TTC28: variants seen among roughly 807,000 people sequenced by gnomAD.
TTC28 encodes the protein tetratricopeptide repeat protein 28.
TTC28 carries 61 observed loss-of-function variants against 198.0 expected under a neutral mutation model. The ratio of observed to expected loss-of-function variants is 0.31; its 90% CI spans 0.25 to 0.38. The LOEUF (loss-of-function observed/expected upper bound fraction) is 0.38. Ranked by LOEUF, TTC28 falls within the 10% of genes least tolerant of loss-of-function variation. The pLI, the probability that TTC28 is intolerant of heterozygous loss-of-function variation, is 1.00. For missense variants in TTC28, 2,678 were observed against 3,164.0 expected, an observed-to-expected ratio of 0.85 and a Z score of 3.69; for synonymous variants, 1,171 against 1,297.8, an observed-to-expected ratio of 0.90 and a Z score of 2.10.
At chr22:28,587,159 C>T (rs937714382) in intron 2 of TTC28, among the ~76,000 whole-genome samples, 3 of 152,104 alleles carry the variant, frequency 2.0e-5, no homozygotes, top group African/African-American at 7.2e-5. Flanking sequence ...GAGTTCGAGA[C>T]CATCCTAGGC....
chr22:28,280,267 T>C (rs915849391), intron 5 of TTC28, among the ~76,000 whole-genome samples: 1 of 152,134 alleles, frequency 6.6e-6, no homozygotes, highest in African/African-American at 2.4e-5. Context: ...TTCAACGCTA[T>C]ACTTTTTGCT....
chr22:28,614,192 C>T (rs1164384364), intron 2 of TTC28, among the ~76,000 whole-genome samples: 2 of 152,110 alleles, frequency 1.3e-5, no homozygotes, highest in African/African-American at 2.4e-5. Flanking sequence ...CTCCCACTCA[C>T]GACTGCTGCA....
At chr22:28,110,186 CA>C (rs1167836560) in intron 6 of TTC28, among the ~76,000 whole-genome samples, 1 of 152,144 alleles carries the variant, frequency 6.6e-6, no homozygotes, top group East Asian at 1.9e-4. Context: ...CTGTGGGGAC[CA>C]CTCTGCTGGT....
At chr22:28,229,086 G>A (rs1928600104) in intron 5 of TTC28, among the ~76,000 whole-genome samples, 1 of 152,118 alleles carries the variant, frequency 6.6e-6, no homozygotes, top group Non-Finnish European at 1.5e-5. Context: ...AACCTGGGAG[G>A]TGGAGGTTGC....
At chr22:28,194,129 C>G (rs753157719) in intron 5 of TTC28, among the ~76,000 whole-genome samples, 14 of 152,258 alleles carry the variant, frequency 9.2e-5, no homozygotes, top group Non-Finnish European at 1.8e-4. Flanking sequence ...TTAAGAAACT[C>G]ACTCAAAACC....
At chr22:28,328,739 TCG>T (rs979589159) in intron 2 of TTC28, among the ~76,000 whole-genome samples, 120 of 143,824 alleles carry the variant, frequency 8.3e-4, no homozygotes, top group African/African-American at 2.9e-3. Context: ...GAGCCACAGA[TCG>T]AGACTCTGTC....
chr22:28,282,192 C>G (rs8138507), intron 5 of TTC28, among the ~76,000 whole-genome samples: 4,298 of 152,174 alleles, frequency 0.028, 205 homozygotes, highest in African/African-American at 0.098. Context: ...TATATTTTGC[C>G]CACAGTTTAT....
At chr22:28,600,603 G>C (rs1483624196) in intron 2 of TTC28, among the ~76,000 whole-genome samples, 1 of 152,056 alleles carries the variant, frequency 6.6e-6, no homozygotes, top group Non-Finnish European at 1.5e-5. Context: ...AATATGTATT[G>C]AATATTTATC....
At chr22:28,203,096 T>C (rs140196537) in intron 5 of TTC28, among the ~76,000 whole-genome samples, 4 of 152,158 alleles carry the variant, frequency 2.6e-5, no homozygotes, top group Non-Finnish European at 1.5e-5. Flanking sequence ...TCCGTAGATA[T>C]GGTTTTCTAT....
At chr22:28,430,266 T>C (rs1351474294) in intron 2 of TTC28, among the ~76,000 whole-genome samples, 1 of 152,100 alleles carries the variant, frequency 6.6e-6, no homozygotes, top group Non-Finnish European at 1.5e-5. Flanking sequence ...ATTGCCATAA[T>C]TACAAGTAAT....
At chr22:28,127,432 C>T (rs1942946633) in intron 6 of TTC28, among the ~76,000 whole-genome samples, 1 of 152,158 alleles carries the variant, frequency 6.6e-6, no homozygotes, top group Non-Finnish European at 1.5e-5. Flanking sequence ...CTAATCCTTG[C>T]TCCCCTCAAC....
chr22:28,086,933 C>T (rs1367060039), intron 12 of TTC28, among the ~76,000 whole-genome samples: 1 of 152,138 alleles, frequency 6.6e-6, no homozygotes, highest in Non-Finnish European at 1.5e-5. Flanking sequence ...AATTCCTCGA[C>T]ACATACACCC....
intron 2 of TTC28, among the ~76,000 whole-genome samples, chr22:28,444,948 T>C (rs941086266): frequency 6.6e-6 from 1 of 152,208 alleles, no homozygotes; most frequent in Non-Finnish European, 1.5e-5. Flanking sequence ...ATCAAAATCA[T>C]TCTGGACAAC....
intron 5 of TTC28, among the ~76,000 whole-genome samples, chr22:28,268,158 TG>T (rs1931809432): frequency 6.6e-6 from 1 of 152,186 alleles, no homozygotes. Flanking sequence ...ATGAAAGCTT[TG>T]GATGCTCATC....
intron 5 of TTC28, among the ~76,000 whole-genome samples, chr22:28,258,294 G>T (rs1931096387): frequency 6.6e-6 from 1 of 152,080 alleles, no homozygotes; most frequent in Admixed American, 6.5e-5. Context: ...GGATTTACAT[G>T]TTCTTCAGTC....
intron 2 of TTC28, among the ~76,000 whole-genome samples, chr22:28,355,967 A>G (rs1161634521): frequency 1.3e-5 from 2 of 152,236 alleles, no homozygotes; most frequent in East Asian, 1.9e-4. Flanking sequence ...ATTCGGGTAT[A>G]AAGAATAGAA....
At chr22:28,390,707 T>C (rs1466562682) in intron 2 of TTC28, among the ~76,000 whole-genome samples, 1 of 152,228 alleles carries the variant, frequency 6.6e-6, no homozygotes, top group African/African-American at 2.4e-5. Flanking sequence ...TAGATCTTCC[T>C]CCATCCTTTT....
Position 28,369,510 on chromosome 22 carries a change from GT to G in TTC28, c.382-62868del, listed in dbSNP as rs1403633539. The stretch of plus-strand genomic sequence containing the variant: ...AGGTCATTCAAAATAAAAGACTGGT[GT>G]TAAAATAGGAAGACTCCTTTCTTCA... On this transcript the variant is annotated intron_variant, in intron 2 of 22. Coordinates refer to ENST00000397906, the MANE Select transcript of TTC28 (RefSeq NM_001145418.2). Among the ~76,000 whole-genome samples the G allele has an allele frequency of 3.9e-5, 6 of 152,296 alleles. No individual in the cohort carries two copies. The East Asian group carries it at 9.6e-4, about 24-fold the overall frequency.
chr22:28,276,776 A>G (rs1264681628), intron 5 of TTC28, among the ~76,000 whole-genome samples: 4 of 152,218 alleles, frequency 2.6e-5, no homozygotes, highest in Non-Finnish European at 4.4e-5. Context: ...TGAGGACTCA[A>G]CCAAAGTCTA....
Sources: allele counts gnomAD v4.1 joint callset (sites outside exome capture counted in the v4.1 genomes callset), GRCh38; gene constraint gnomAD v4.1.1; transcripts MANE v1.5; gene names NCBI Gene and HGNC (gene_info 2026-07-23, HGNC 2026-07-21).